Variants in NDUFA9 observed in about 807,000 individuals in gnomAD.
NDUFA9 encodes the protein NADH:ubiquinone oxidoreductase subunit A9.
NDUFA9 carries 23 observed loss-of-function variants against 45.9 expected under a neutral mutation model. The observed-to-expected ratio is 0.50, with a 90% CI of 0.36 to 0.71. The LOEUF (loss-of-function observed/expected upper bound fraction) is 0.71. Ranked by LOEUF, NDUFA9 falls within the 30% of genes least tolerant of loss-of-function variation. The pLI is 0.00. For synonymous variants in NDUFA9, 176 were observed against 170.5 expected (o/e 1.03, Z -0.25); for missense variants, 466 against 488.2 (o/e 0.95, Z 0.43).
At chr12:4,655,480 A>T (rs1220630174) in intron 3 of NDUFA9, 2 of 152,276 alleles carry the variant, frequency 1.3e-5, no homozygotes, top group Non-Finnish European at 2.9e-5. Context: ...ACGATTCATC[A>T]TTAACAATTT....
At chr12:4,682,361 A>G (rs980916607) in intron 9 of NDUFA9, 61 bp downstream of exon 9, 80 of 1,278,752 alleles carry the variant, frequency 6.3e-5, no homozygotes, top group Non-Finnish European at 6.0e-5. Context: ...ACTTGTTCCT[A>G]ATGTTCTCCC....
intron 6 of NDUFA9, among the ~76,000 whole-genome samples, chr12:4,663,500 A>T (rs1189629548): frequency 1.3e-5 from 2 of 152,172 alleles, no homozygotes; most frequent in East Asian, 3.9e-4. Flanking sequence ...CCTTATAAGA[A>T]GAGGCAAAAA....
At chr12:4,665,062 G>C (rs1945845361) in intron 6 of NDUFA9, among the ~76,000 whole-genome samples, 1 of 152,136 alleles carries the variant, frequency 6.6e-6, no homozygotes, top group African/African-American at 2.4e-5. Flanking sequence ...ATCTGATTTA[G>C]ATAATATTTG....
intron 8 of NDUFA9, among the ~76,000 whole-genome samples, chr12:4,681,035 A>T (rs1429236189): frequency 6.6e-6 from 1 of 152,160 alleles, no homozygotes; most frequent in Non-Finnish European, 1.5e-5. Flanking sequence ...ACAGTAAATG[A>T]TTCTGTAAGT....
At chr12:4,658,640 A>G (rs967520226) in intron 4 of NDUFA9, among the ~76,000 whole-genome samples, 2 of 152,246 alleles carry the variant, frequency 1.3e-5, no homozygotes, top group Non-Finnish European at 2.9e-5. Flanking sequence ...AATGCAGAAC[A>G]TGAAGTATAC....
intron 6 of NDUFA9, among the ~76,000 whole-genome samples, chr12:4,666,579 G>A (rs989641157): frequency 6.6e-6 from 1 of 151,930 alleles, no homozygotes; most frequent in Non-Finnish European, 1.5e-5. Flanking sequence ...ATGAGGTAAG[G>A]GTCCAATTTT....
intron 9 of NDUFA9, chr12:4,684,960 A>T: frequency 3.4e-6 from 2 of 594,514 alleles, no homozygotes; most frequent in South Asian, 2.1e-5. Context: ...TAAATACTGG[A>T]GTTTTTCTGT....
rs897984722 is a variant in NDUFA9 at position 4,694,024 on chromosome 12, A to G, written c.*6916A>G. 3.3e-5 allele frequency: 5 copies of G among 152,140 alleles called. No individual in the cohort carries two copies. Among genetic ancestry groups the G allele is most frequent in the African/African-American group, 1.2e-4 (5 of 41,416 alleles). 9.4% of individuals were successfully genotyped at this position (152,140 alleles called of 1,614,324 possible). A position where few individuals can be genotyped will look rare whatever the true frequency, so the allele number is the denominator to read the frequency against. On this transcript the variant is annotated 3_prime_UTR_variant, in exon 11 of 11. Coordinates refer to ENST00000266544, the MANE Select transcript of NDUFA9 (RefSeq NM_005002.5). Reference sequence around the variant, plus strand: ...TCCCATTGTACTTCAGTGGAAAACTATGCATTGTCTGGAATCTAGACTCTG... The same window carrying G: ...TCCCATTGTACTTCAGTGGAAAACTGTGCATTGTCTGGAATCTAGACTCTG...
intron 6 of NDUFA9, chr12:4,667,777 T>C (rs1050475505): frequency 1.3e-5 from 2 of 152,230 alleles, no homozygotes; most frequent in African/African-American, 4.8e-5. Flanking sequence ...CCCAAAGTGC[T>C]GGGATTACAG....
Position 4,690,216 on chromosome 12 carries a change from G to T in NDUFA9, c.*3108G>T, listed in dbSNP as rs1946011719. On this transcript the variant is annotated 3_prime_UTR_variant, in exon 11 of 11. Transcript: ENST00000266544. ...ACAGTTGATTTGAGCCTGCAAGACT[G>T]TAAACCCATCCCATTATCATGTTTT... The T allele has an allele frequency of 6.6e-6, 1 of 152,222 alleles. No homozygotes were observed. Among genetic ancestry groups the T allele is most frequent in the South Asian group, 2.1e-4 (1 of 4,834 alleles). 9.4% of individuals were successfully genotyped at this position (152,222 alleles called of 1,614,324 possible). A position where few individuals can be genotyped will look rare whatever the true frequency, so the allele number is the denominator to read the frequency against.
chr12:4,668,451 C>A lies in NDUFA9; in HGVS notation c.656-6C>A. ...TCAGTATAGTTCTCATTCTTTCTTCCGCTAGGTATGCATCGGTTTGGTCCT... is the reference window on the plus strand; with the variant it reads ...TCAGTATAGTTCTCATTCTTTCTTCAGCTAGGTATGCATCGGTTTGGTCCT... On this transcript the variant is annotated splice_polypyrimidine_tract_variant and splice_region_variant and intron_variant, in intron 6 of 10. Transcript: ENST00000266544. 6.2e-7 allele frequency: 1 copy of A among 1,611,726 alleles called. No individual in the cohort carries two copies. Among genetic ancestry groups the A allele is most frequent in the Non-Finnish European group, 8.5e-7 (1 of 1,177,874 alleles).
intron 6 of NDUFA9, among the ~76,000 whole-genome samples, chr12:4,663,469 G>A (rs146321672): frequency 1.2e-4 from 19 of 152,294 alleles, no homozygotes; most frequent in South Asian, 1.2e-3. Context: ...GGGTGAGGTC[G>A]TAATTCAGTA....
chr12:4,682,240 A>T lies in NDUFA9; in HGVS notation c.836A>T (p.Tyr279Phe), dbSNP rs749802779. The change falls in exon 9 of 11, where the codon TAC (tyrosine) becomes TTC (phenylalanine). Residue 279 changes from tyrosine to phenylalanine, a missense_variant. Coordinates refer to ENST00000266544, the MANE Select transcript of NDUFA9 (RefSeq NM_005002.5). ...SRYLLFHLVK[Y>F]IFAVAHRLFL... is the part of the protein sequence containing the mutation. ...TACCTCCTTTTCCACCTGGTGAAGTACATCTTTGCTGTGGCTCACAGATTG... is the reference window on the plus strand; with the variant it reads ...TACCTCCTTTTCCACCTGGTGAAGTTCATCTTTGCTGTGGCTCACAGATTG... 7 of 1,613,440 alleles carry T rather than the reference A, an allele frequency of 4.3e-6. No individual in the cohort carries two copies. Among genetic ancestry groups the T allele is most frequent in the Middle Eastern group, 1.7e-4 (1 of 6,060 alleles).
intron 7 of NDUFA9, 93 bp from the exon 8 acceptor site, chr12:4,669,648 C>T: frequency 3.7e-6 from 3 of 806,648 alleles, no homozygotes; most frequent in Admixed American, 2.3e-5. Context: ...TCCTTCCTTC[C>T]TTTTTCTCTT....
At chr12:4,679,625 A>C (rs1005101598) in intron 8 of NDUFA9, among the ~76,000 whole-genome samples, 1 of 152,190 alleles carries the variant, frequency 6.6e-6, no homozygotes, top group Non-Finnish European at 1.5e-5. Flanking sequence ...GGTCACCTTA[A>C]TGACCTCATT....
intron 1 of NDUFA9, among the ~76,000 whole-genome samples, chr12:4,650,482 A>G (rs1353407584): frequency 1.3e-5 from 2 of 152,124 alleles, no homozygotes; most frequent in African/African-American, 2.4e-5. Flanking sequence ...TTCCTCTTTT[A>G]ACTTACTTTC....
In NDUFA9 at chr12:4,694,053, A is replaced by G. The variant is rs1192361557; in HGVS notation, c.*6945A>G. ...ATTGTCTGGAATCTAGACTCTGGACAAAGACCCTTCCTTCCTGGCTGTTTG... is the reference window on the plus strand; with the variant it reads ...ATTGTCTGGAATCTAGACTCTGGACGAAGACCCTTCCTTCCTGGCTGTTTG... On this transcript the variant is annotated 3_prime_UTR_variant, in exon 11 of 11. Coordinates refer to ENST00000266544, the MANE Select transcript of NDUFA9 (RefSeq NM_005002.5). The G allele has an allele frequency of 9.2e-5, 14 of 152,244 alleles. No individual in the cohort carries two copies. The highest frequency in any genetic ancestry group is 8.5e-4 in the Admixed American group (13 of 15,286). The allele number at this position is 152,244 out of a possible 1,614,324, so 9.4% of individuals were successfully genotyped here. A position where few individuals can be genotyped will look rare whatever the true frequency, so the allele number is the denominator to read the frequency against.
intron 10 of NDUFA9, 35 bp downstream of exon 10, chr12:4,685,360 G>A (rs1199312476): frequency 6.3e-7 from 1 of 1,581,836 alleles, no homozygotes; most frequent in Non-Finnish European, 8.7e-7. Context: ...TGCCTGGGCA[G>A]ATGATGAGGC....
At chr12:4,658,606 G>C (rs754262364) in intron 4 of NDUFA9, among the ~76,000 whole-genome samples, 1 of 152,128 alleles carries the variant, frequency 6.6e-6, no homozygotes. Context: ...TCTTTAAAGG[G>C]CCTCAGCCTC....
Sources: allele counts gnomAD v4.1 joint callset (sites outside exome capture counted in the v4.1 genomes callset), GRCh38; gene constraint gnomAD v4.1.1; transcripts MANE v1.5; gene names NCBI Gene and HGNC (gene_info 2026-07-23, HGNC 2026-07-21).